The following WASHC2C variants were observed in gnomAD, a reference collection of about 807,000 sequenced individuals.
WASHC2C encodes the protein WASH complex subunit 2C, also known as Vaccinia Penetration Factor.
Under a neutral mutation model 142.2 loss-of-function variants are expected in WASHC2C, and 73 were observed. The observed-to-expected ratio is 0.51, with a 90% confidence interval of 0.43 to 0.62. The LOEUF (loss-of-function observed/expected upper bound fraction) is 0.62, where lower values mean the gene tolerates loss of function less well. WASHC2C is among the 20% of genes least tolerant of loss of function. WASHC2C has a pLI of 0.00. For synonymous variants in WASHC2C, 337 were observed against 565.5 expected, an observed-to-expected ratio of 0.60 and a Z score of 5.73; for missense variants, 969 against 1,531.7, an observed-to-expected ratio of 0.63 and a Z score of 6.13.
intron 2 of WASHC2C, among the ~76,000 whole-genome samples, chr10:45,728,396 A>G (rs2050156988): frequency 1.3e-5 from 2 of 152,100 alleles, no homozygotes; most frequent in South Asian, 4.1e-4. Context: ...CACTCTTTTG[A>G]TGAGCTTTCT....
chr10:45,777,329 G>A lies in WASHC2C; in HGVS notation c.2199G>A (p.Lys733=), dbSNP rs782055254. The A allele has an allele frequency of 1.2e-6, 2 of 1,606,210 alleles. No homozygotes were observed. Among genetic ancestry groups the A allele is most frequent in the Admixed American group, 3.4e-5 (2 of 59,666 alleles). Residue 733 remains lysine, a synonymous_variant, in exon 22 of 31, where the codon AAG becomes AAA. Coordinates refer to ENST00000623400, the MANE Select transcript of WASHC2C (RefSeq NM_001330074.2). The part of the protein sequence containing the change: ...PPLLFSDEEE[K]EAQLGVKSVD... ...TGCTGTTCAGCGATGAAGAAGAGAA[G>A]GAGGCACAACTTGGAGTGAAGTCTG...
chr10:45,769,189 T>C (rs1474590793), intron 19 of WASHC2C, among the ~76,000 whole-genome samples: 1 of 151,898 alleles, frequency 6.6e-6, no homozygotes. Flanking sequence ...ACGATCTCCG[T>C]TCACTGCAAG....
intron 8 of WASHC2C, among the ~76,000 whole-genome samples, chr10:45,749,836 A>T (rs11595857): frequency 0.063 from 6,363 of 101,660 alleles, 285 homozygotes; most frequent in East Asian, 0.16. Context: ...AAAAAAAAAA[A>T]ATATATATAT....
intron 21 of WASHC2C, among the ~76,000 whole-genome samples, chr10:45,775,922 C>T (rs1483663506): frequency 5.9e-5 from 9 of 151,966 alleles, no homozygotes; most frequent in African/African-American, 9.7e-5. Context: ...TCTCATGATC[C>T]GCCCACCTTG....
At position 45,789,340 on chromosome 10, in the gene WASHC2C, A is replaced by G; in HGVS notation, c.3557A>G (p.Gln1186Arg). ...GCCAGCAGTGATGATGATCTCTTTC[A>G]GTCTGCTAAACCAAAACCAGCAAAG... ...GEASSDDDLF[Q>R]SAKPKPAKKT... is the part of the protein sequence containing the mutation. The change falls in exon 29 of 31, where the codon CAG becomes CGG. Residue 1186 changes from glutamine to arginine, a missense_variant. Transcript: ENST00000623400. 5 of 1,612,074 alleles carry G rather than the reference A, an allele frequency of 3.1e-6. No homozygotes were observed. Among genetic ancestry groups the G allele is most frequent in the South Asian group, 1.1e-5 (1 of 90,990 alleles).
chr10:45,727,109 G>T (rs1412394536), upstream of WASHC2C: 7 of 1,402,746 alleles, frequency 5.0e-6, no homozygotes, highest in Non-Finnish European at 1.8e-6. Flanking sequence ...CCAACCTAGG[G>T]TAGAACCCCA....
intron 8 of WASHC2C, among the ~76,000 whole-genome samples, chr10:45,748,283 C>CTTTTTTTTTTTTTTT (rs1160119861): frequency 3.5e-5 from 2 of 57,168 alleles, no homozygotes; most frequent in African/African-American, 7.9e-5. Context: ...TTTTTCTTTC[C>CTTTTTTTTTTTTTTT]TTTTTTTTTT....
At chr10:45,731,940 A>G (rs1433340203) in intron 3 of WASHC2C, among the ~76,000 whole-genome samples, 3 of 151,206 alleles carry the variant, frequency 2.0e-5, no homozygotes, top group African/African-American at 7.3e-5. Context: ...GATGACAGGC[A>G]CCCGCCACCA....
At position 45,770,240 on chromosome 10, in the gene WASHC2C, CA is replaced by C. The variant is rs552574113; in HGVS notation, c.2039+640del. On this transcript the variant is annotated intron_variant, in intron 20 of 30. Transcript: ENST00000623400. ...TGGGCAACGGAGCAAGACTCCATCTCAAAAAAAAAAAAAAAAAAGTTATTTG... is the reference window on the plus strand; with the variant it reads ...TGGGCAACGGAGCAAGACTCCATCTCAAAAAAAAAAAAAAAAAGTTATTTG... Among the ~76,000 whole-genome samples the C allele has an allele frequency of 6.1e-3, 511 of 83,132 alleles. 9 individuals are homozygous for C. The highest frequency in any genetic ancestry group is 7.9e-3 in the African/African-American group (152 of 19,220). The allele number at this position is 83,132 out of a possible 152,430, so 54.5% of individuals were successfully genotyped here.
chr10:45,753,829 T>G (rs1159038900), intron 13 of WASHC2C, among the ~76,000 whole-genome samples: 23 of 151,836 alleles, frequency 1.5e-4, no homozygotes, highest in African/African-American at 4.8e-4. Context: ...AAATATGTTT[T>G]TTTTTTTTTT....
chr10:45,731,270 G>C (rs2134044424), intron 3 of WASHC2C, among the ~76,000 whole-genome samples: 1 of 139,412 alleles, frequency 7.2e-6, no homozygotes, highest in South Asian at 2.3e-4. Context: ...ATCCAGGCTG[G>C]AGTGCAGTGA....
In WASHC2C at chr10:45,741,133, A is replaced by T. The variant is rs183398565; in HGVS notation, c.528+887A>T. On this transcript the variant is annotated intron_variant, in intron 5 of 30. Coordinates refer to ENST00000623400, the MANE Select transcript of WASHC2C (RefSeq NM_001330074.2). ...CAGCTAATTTTTGTATTTTTAGTAT[A>T]GACAGGGTTTCACCATGTTGGCCAG... 6.4e-3 allele frequency among the ~76,000 whole-genome samples: 978 copies of T among 152,068 alleles called. 14 individuals are homozygous for T. Among genetic ancestry groups the T allele is most frequent in the African/African-American group, 0.023 (937 of 41,454 alleles).
At position 45,785,782 on chromosome 10, in the gene WASHC2C, G is replaced by C. The variant is rs141148283; in HGVS notation, c.2811+151G>C. On this transcript the variant is annotated intron_variant, in intron 26 of 30. Coordinates refer to ENST00000623400, the MANE Select transcript of WASHC2C (RefSeq NM_001330074.2). ...GCTTTGTCTTCACTGCACTTCCCCC[G>C]AGTCATCTCCCCTCTCCTCACTCCA... The C allele has an allele frequency of 2.9e-4, 405 of 1,384,882 alleles. 1 individual carries two copies. In the African/African-American group the frequency reaches 5.2e-3, roughly 18 times the overall value. The allele number at this position is 1,384,882 out of a possible 1,614,324, so 85.8% of individuals were successfully genotyped here. A position where few individuals can be genotyped will look rare whatever the true frequency, so the allele number is the denominator to read the frequency against.
At chr10:45,790,851 A>G (rs1188335456) in intron 30 of WASHC2C, among the ~76,000 whole-genome samples, 2 of 152,220 alleles carry the variant, frequency 1.3e-5, no homozygotes, top group Non-Finnish European at 2.9e-5. Flanking sequence ...TTGATCAGAA[A>G]TGACCTCACG....
intron 21 of WASHC2C, among the ~76,000 whole-genome samples, chr10:45,775,675 A>C (rs1409575787): frequency 6.8e-6 from 1 of 146,462 alleles, no homozygotes; most frequent in East Asian, 2.0e-4. Flanking sequence ...AACTATTTGC[A>C]TTGAATTTTT....
Position 45,787,015 on chromosome 10 carries a change from G to C in WASHC2C, c.2875-20G>C. On this transcript the variant is annotated intron_variant, in intron 27 of 30. Transcript: ENST00000623400. ...TGCTGTGTTGAAGAACAAATACAGA[G>C]TTTCATTTTTCTTCTTTAGGCAAAT... is the stretch of plus-strand genomic sequence containing the variant. 6.3e-7 allele frequency: 1 copy of C among 1,576,742 alleles called. No individual in the cohort carries two copies. Among genetic ancestry groups the C allele is most frequent in the Non-Finnish European group, 8.7e-7 (1 of 1,153,452 alleles).
At chr10:45,787,425 G>C (rs1310237654) in intron 28 of WASHC2C, among the ~76,000 whole-genome samples, 178 bp downstream of exon 28, 1 of 133,382 alleles carries the variant, frequency 7.5e-6, no homozygotes, top group Non-Finnish European at 1.6e-5. Flanking sequence ...TCCTGCACCT[G>C]CTTTTCCATG....
Position 45,733,349 on chromosome 10 carries a change from C to T in WASHC2C, c.291+4323C>T, listed in dbSNP as rs570459146. Among the ~76,000 whole-genome samples the T allele has an allele frequency of 4.2e-3, 638 of 152,224 alleles. 2 individuals are homozygous for T. Among genetic ancestry groups the T allele is most frequent in the African/African-American group, 0.013 (557 of 41,494 alleles). On this transcript the variant is annotated intron_variant, in intron 3 of 30. Coordinates refer to ENST00000623400, the MANE Select transcript of WASHC2C (RefSeq NM_001330074.2). ...GTGAATATTTGAATGAATGAGAGTACGCATAAATGAAAGGGGACCAGGGCT... is the reference window on the plus strand; with the variant it reads ...GTGAATATTTGAATGAATGAGAGTATGCATAAATGAAAGGGGACCAGGGCT...
In WASHC2C at chr10:45,750,829, G is replaced by T. The variant is rs200188253; in HGVS notation, c.922G>T (p.Glu308Ter). The change falls in exon 10 of 31, where the codon GAG (glutamate) becomes TAG (stop). Residue 308 changes from glutamate (E) to a stop codon, truncating the protein, a stop_gained. Coordinates refer to ENST00000623400, the MANE Select transcript of WASHC2C (RefSeq NM_001330074.2). LOFTEE classifies it high-confidence loss of function. Reference protein sequence around the residue: ...KGDAMGRVDEEPTTLPSGEAK... With the variant: ...KGDAMGRVDE ...GGATGCCATGGGTCGAGTGGACGAG[G>T]AGCCGACAAGTGAGCCCCAGCCACG... The T allele has an allele frequency of 7.4e-4, 1,145 of 1,548,352 alleles. 4 individuals carry two copies. The highest frequency in any genetic ancestry group is 1.5e-3 in the Admixed American group (75 of 50,962).
Sources: gnomAD v4.1 joint callset for allele counts (sites outside exome capture counted in the v4.1 genomes callset) on GRCh38, gnomAD v4.1.1 for gene constraint, MANE v1.5 for transcripts, NCBI Gene and HGNC (gene_info 2026-07-23, HGNC 2026-07-21) for gene names.